The following IL1RAPL1 variants were observed in gnomAD, a reference collection of about 807,000 sequenced individuals.
IL1RAPL1 encodes the protein interleukin-1 receptor accessory protein-like 1.
Under a neutral mutation model 48.4 loss-of-function variants are expected in IL1RAPL1, and 3 were observed. That is an observed-to-expected ratio of 0.06 (90% confidence interval 0.03 to 0.16). The LOEUF (loss-of-function observed/expected upper bound fraction) is 0.16, where lower values mean the gene tolerates loss of function less well. IL1RAPL1 is among the 10% of genes least tolerant of loss of function. The probability of loss-of-function intolerance (pLI) is 1.00; values close to 1 mark genes in which losing one functional copy is unlikely to be tolerated. For missense variants in IL1RAPL1, 349 were observed against 530.6 expected (o/e 0.66, Z 3.36); for synonymous variants, 185 against 187.7 (o/e 0.99, Z 0.12).
At chrX:28,783,097 C>G (rs1569171767) in intron 1 of IL1RAPL1, among the ~76,000 whole-genome samples, 1 of 111,359 alleles carries the variant, frequency 9.0e-6, no homozygotes, top group African/African-American at 3.3e-5. Flanking sequence ...TACAACTTTT[C>G]AGCTTCACCT....
At chrX:29,929,083 A>G (rs1173843451) in intron 8 of IL1RAPL1, among the ~76,000 whole-genome samples, 1 of 111,920 alleles carries the variant, frequency 8.9e-6, no homozygotes, top group Admixed American at 9.5e-5. Context: ...GATAAATTAA[A>G]AGTGGATATT....
chrX:29,930,591 C>T lies in IL1RAPL1; in HGVS notation c.1057+10497C>T, dbSNP rs139310455. 9.0e-3 allele frequency among the ~76,000 whole-genome samples: 1,009 copies of T among 111,537 alleles called. 12 individuals are homozygous for T. The highest frequency in any genetic ancestry group is 0.031 in the African/African-American group (954 of 30,822). ...ATGTGATCTTTAATTTCTTATCATCCTTATGCATTTTTCAAATTCTTTACT... is the reference window on the plus strand; with the variant it reads ...ATGTGATCTTTAATTTCTTATCATCTTTATGCATTTTTCAAATTCTTTACT... On this transcript the variant is annotated intron_variant, in intron 8 of 10. Coordinates refer to ENST00000378993, the MANE Select transcript of IL1RAPL1 (RefSeq NM_014271.4).
intron 2 of IL1RAPL1, among the ~76,000 whole-genome samples, chrX:28,880,503 G>A (rs910954347): frequency 2.7e-5 from 3 of 112,257 alleles, no homozygotes; most frequent in Admixed American, 1.9e-4. Context: ...TACTTAATTT[G>A]CATCAGTGCT....
At chrX:29,778,838 A>G (rs1010891150) in intron 6 of IL1RAPL1, among the ~76,000 whole-genome samples, 1 of 112,353 alleles carries the variant, frequency 8.9e-6, no homozygotes, top group African/African-American at 3.2e-5. Flanking sequence ...CTCATAATAA[A>G]ATGTAGACTG....
At chrX:29,518,900 A>T (rs1935475351) in intron 5 of IL1RAPL1, among the ~76,000 whole-genome samples, 1 of 112,208 alleles carries the variant, frequency 8.9e-6, no homozygotes, top group Admixed American at 9.4e-5. Context: ...AGGAGTCTGC[A>T]AAATATATGG....
chrX:29,700,137 G>GA (rs958381572), intron 6 of IL1RAPL1, among the ~76,000 whole-genome samples: 4 of 108,676 alleles, frequency 3.7e-5, no homozygotes, highest in Admixed American at 2.0e-4. Flanking sequence ...CCTATTGAAT[G>GA]AAAAAAAAAG....
intron 5 of IL1RAPL1, among the ~76,000 whole-genome samples, chrX:29,571,081 A>C (rs1027869194): frequency 1.8e-5 from 2 of 110,740 alleles, no homozygotes; most frequent in African/African-American, 6.6e-5. Context: ...AATTAGCCAG[A>C]CGTGGTGGCG....
At chrX:28,788,220 A>T (rs1025631172) in intron 1 of IL1RAPL1, among the ~76,000 whole-genome samples, 6 of 111,897 alleles carry the variant, frequency 5.4e-5, no homozygotes, top group Non-Finnish European at 1.1e-4. Flanking sequence ...TAATCATTTC[A>T]CAATATATAT....
At chrX:28,805,454 A>G (rs1569176874) in intron 2 of IL1RAPL1, among the ~76,000 whole-genome samples, 1 of 111,430 alleles carries the variant, frequency 9.0e-6, no homozygotes. Context: ...GGTCCACTGT[A>G]GGGTTCTTTC....
At chrX:28,853,527 CT>C (rs1182243946) in intron 2 of IL1RAPL1, among the ~76,000 whole-genome samples, 1 of 110,805 alleles carries the variant, frequency 9.0e-6, no homozygotes, top group Non-Finnish European at 1.9e-5. Flanking sequence ...ACTCATGCTT[CT>C]AACAAAAATA....
chrX:29,859,837 T>C (rs1010147507), intron 6 of IL1RAPL1, among the ~76,000 whole-genome samples: 7 of 111,904 alleles, frequency 6.3e-5, no homozygotes, highest in African/African-American at 2.3e-4. Context: ...TAAAGTGCCA[T>C]TGAATGTCTT....
Position 28,977,376 on chromosome X carries a change from G to A in IL1RAPL1, c.82+187951G>A, listed in dbSNP as rs146009641. ...AGGTTGTCTTACATGGCCAGAGCAG[G>A]AGCAAGAGAGAGAGTGGGGAGGAGC... On this transcript the variant is annotated intron_variant, in intron 2 of 10. Transcript: ENST00000378993. Among the ~76,000 whole-genome samples the A allele has an allele frequency of 3.9e-3, 442 of 111,920 alleles. 9 individuals are homozygous for A. In the East Asian group the frequency reaches 0.049, roughly 13 times the overall value.
chrX:29,613,767 T>C (rs1222737030), intron 5 of IL1RAPL1, among the ~76,000 whole-genome samples: 6 of 92,589 alleles, frequency 6.5e-5, no homozygotes, highest in Admixed American at 2.4e-4. Flanking sequence ...GTTTCTTTTT[T>C]TTTTTTTTTT....
intron 2 of IL1RAPL1, among the ~76,000 whole-genome samples, chrX:28,840,974 G>A (rs1376452107): frequency 9.0e-6 from 1 of 111,010 alleles, no homozygotes; most frequent in African/African-American, 3.3e-5. Flanking sequence ...ATTTCAGTAC[G>A]ACAATAGACA....
intron 2 of IL1RAPL1, among the ~76,000 whole-genome samples, chrX:29,130,100 C>G (rs1202315541): frequency 3.6e-5 from 4 of 111,518 alleles, no homozygotes; most frequent in Non-Finnish European, 7.5e-5. Context: ...CTCTGGTATT[C>G]TTACGAGGGA....
At chrX:29,431,239 T>A (rs1280304195) in intron 5 of IL1RAPL1, among the ~76,000 whole-genome samples, 1 of 112,203 alleles carries the variant, frequency 8.9e-6, no homozygotes, top group Non-Finnish European at 1.9e-5. Flanking sequence ...TTGAATGTGC[T>A]CTACCTCAGT....
intron 6 of IL1RAPL1, among the ~76,000 whole-genome samples, chrX:29,782,972 T>G (rs1487666038): frequency 1.1e-5 from 1 of 87,266 alleles, no homozygotes; most frequent in African/African-American, 4.4e-5. Context: ...TGGCGGGATC[T>G]CGGCTCACTG....
intron 2 of IL1RAPL1, among the ~76,000 whole-genome samples, chrX:28,795,575 T>A (rs1440837606): frequency 9.0e-6 from 1 of 111,442 alleles, no homozygotes; most frequent in Non-Finnish European, 1.9e-5. Flanking sequence ...TCCAAGTTAA[T>A]AAGTATAGTA....
At chrX:29,657,025 A>C (rs902596629) in intron 5 of IL1RAPL1, among the ~76,000 whole-genome samples, 8 of 110,938 alleles carry the variant, frequency 7.2e-5, no homozygotes, top group African/African-American at 2.0e-4. Flanking sequence ...AAGCCTGTAC[A>C]AGGTTTCTAA....
Sources: gnomAD v4.1 joint callset for allele counts (sites outside exome capture counted in the v4.1 genomes callset) on GRCh38, gnomAD v4.1.1 for gene constraint, MANE v1.5 for transcripts, NCBI Gene and HGNC (gene_info 2026-07-23, HGNC 2026-07-21) for gene names.